Variants in MBNL2 observed in about 807,000 individuals in gnomAD.
The protein encoded by MBNL2 is muscleblind-like protein 2.
Under a neutral mutation model 41.9 loss-of-function variants are expected in MBNL2, and 17 were observed. The ratio of observed to expected loss-of-function variants is 0.41; its 90% CI spans 0.28 to 0.61. The LOEUF (loss-of-function observed/expected upper bound fraction) is 0.61, where lower values mean the gene tolerates loss of function less well. Among genes scored for constraint, MBNL2 ranks in the 20% least tolerant of loss-of-function variants. The pLI is 0.35. For missense variants in MBNL2, 336 were observed against 505.6 expected (o/e 0.66, Z 3.22); for synonymous variants, 195 against 182.9 (o/e 1.07, Z -0.53).
intron 2 of MBNL2, among the ~76,000 whole-genome samples, chr13:97,284,981 G>T (rs2054135147): frequency 6.6e-6 from 1 of 152,158 alleles, no homozygotes; most frequent in South Asian, 2.1e-4. Flanking sequence ...CGGTGTATCA[G>T]TTCTTATGAA....
chr13:97,205,623 G>A, the MBNL2 span, among the ~76,000 whole-genome samples: 1 of 152,036 alleles, frequency 6.6e-6, no homozygotes, highest in Non-Finnish European at 1.5e-5. Context: ...ATTTTTCCTT[G>A]TAAGAAGAAA....
the MBNL2 span, among the ~76,000 whole-genome samples, chr13:97,173,540 C>T: frequency 6.6e-6 from 1 of 152,178 alleles, no homozygotes; most frequent in South Asian, 2.1e-4. Flanking sequence ...CCATCATTTC[C>T]ACTTGCCTGC....
the MBNL2 span, among the ~76,000 whole-genome samples, chr13:97,211,041 A>G: frequency 6.6e-6 from 1 of 152,068 alleles, no homozygotes; most frequent in African/African-American, 2.4e-5. Context: ...GGTACATAAC[A>G]TTTGATGCAT....
chr13:97,209,980 G>C, the MBNL2 span, among the ~76,000 whole-genome samples: 1 of 152,126 alleles, frequency 6.6e-6, no homozygotes, highest in Non-Finnish European at 1.5e-5. Context: ...GCTTTTAGTA[G>C]AGACGGGGTT....
At chr13:97,365,258 C>A in intron 8 of MBNL2, 87 bp downstream of exon 8, 2 of 899,432 alleles carry the variant, frequency 2.2e-6, no homozygotes, top group East Asian at 2.4e-5. Flanking sequence ...GGTAGAAATG[C>A]TATAGGAAAT....
chr13:97,383,864 C>T (rs962810358), intron 8 of MBNL2, among the ~76,000 whole-genome samples: 1 of 151,952 alleles, frequency 6.6e-6, no homozygotes, highest in Non-Finnish European at 1.5e-5. Flanking sequence ...AGTGTCTTTT[C>T]ATATACTACT....
chr13:97,336,093 G>A (rs7318821), intron 3 of MBNL2, among the ~76,000 whole-genome samples: 44,527 of 152,088 alleles, frequency 0.29, 6,727 homozygotes, highest in African/African-American at 0.34. Context: ...CCGTGTTAAC[G>A]AGAGAATCCC....
chr13:97,222,015 CAA>C (rs1233701030), upstream of MBNL2, among the ~76,000 whole-genome samples: 2 of 152,154 alleles, frequency 1.3e-5, no homozygotes, highest in Non-Finnish European at 2.9e-5. Flanking sequence ...CACATTTTCC[CAA>C]GTGTTCACGG....
intron 5 of MBNL2, among the ~76,000 whole-genome samples, chr13:97,352,366 A>T (rs1199163219): frequency 6.6e-6 from 1 of 152,140 alleles, no homozygotes; most frequent in African/African-American, 2.4e-5. Context: ...TCTTTCTTTC[A>T]CTTGAACACT....
intron 8 of MBNL2, among the ~76,000 whole-genome samples, chr13:97,383,088 A>T (rs532214010): frequency 1.1e-4 from 17 of 152,296 alleles, no homozygotes; most frequent in African/African-American, 4.1e-4. Flanking sequence ...ATCATATAGG[A>T]GAAGAAAAGT....
chr13:97,271,117 T>G (rs1482774334), intron 1 of MBNL2, among the ~76,000 whole-genome samples: 1 of 150,760 alleles, frequency 6.6e-6, no homozygotes, highest in Admixed American at 6.6e-5. Context: ...TTTTTGTTTT[T>G]TTTTTTTTGT....
intron 8 of MBNL2, among the ~76,000 whole-genome samples, chr13:97,377,158 C>A (rs2065038925): frequency 6.6e-6 from 1 of 152,190 alleles, no homozygotes; most frequent in African/African-American, 2.4e-5. Context: ...CTGTAAGGGA[C>A]CATTATGATC....
the MBNL2 span, among the ~76,000 whole-genome samples, chr13:97,210,571 ATTTTTTTTTTTTTTTT>A: frequency 1.1e-3 from 69 of 65,464 alleles, no homozygotes; most frequent in African/African-American, 2.9e-3. Flanking sequence ...ACAACTGTGA[ATTTTTTTTTTTTTTTT>A]TTTTTTTTTT....
intron 2 of MBNL2, among the ~76,000 whole-genome samples, chr13:97,293,568 C>T (rs562531460): frequency 1.3e-5 from 2 of 152,076 alleles, no homozygotes; most frequent in African/African-American, 4.8e-5. Flanking sequence ...GTGCTTTGTG[C>T]CTGTAATTAT....
At chr13:97,247,555 G>A (rs1330390095) in intron 1 of MBNL2, among the ~76,000 whole-genome samples, 1 of 152,144 alleles carries the variant, frequency 6.6e-6, no homozygotes, top group Non-Finnish European at 1.5e-5. Flanking sequence ...TTTATTGATT[G>A]AAGTTAATGA....
intron 2 of MBNL2, among the ~76,000 whole-genome samples, chr13:97,304,380 A>T (rs2057927358): frequency 6.6e-6 from 1 of 152,216 alleles, no homozygotes; most frequent in South Asian, 2.1e-4. Flanking sequence ...TTTATATCAA[A>T]AATATTTACT....
chr13:97,371,425 A>T (rs1283955293), intron 8 of MBNL2, among the ~76,000 whole-genome samples: 21 of 152,190 alleles, frequency 1.4e-4, no homozygotes, highest in Non-Finnish European at 1.8e-4. Flanking sequence ...AGACAAATGC[A>T]AGTCTACAAA....
intron 3 of MBNL2, 77 bp from the exon 4 acceptor site, chr13:97,342,939 T>C: frequency 1.2e-6 from 1 of 863,048 alleles, no homozygotes; most frequent in Non-Finnish European, 1.9e-6. Flanking sequence ...TACATTTTGC[T>C]CAAATGACAT....
chr13:97,157,705 T>C, the MBNL2 span, among the ~76,000 whole-genome samples: 1 of 148,740 alleles, frequency 6.7e-6, no homozygotes, highest in African/African-American at 2.5e-5. Context: ...ATTTATTGAT[T>C]TGCGTATATT....
Sources: gnomAD v4.1 joint callset for allele counts (sites outside exome capture counted in the v4.1 genomes callset) on GRCh38, gnomAD v4.1.1 for gene constraint, MANE v1.5 for transcripts, NCBI Gene and HGNC (gene_info 2026-07-23, HGNC 2026-07-21) for gene names.